EXOC6B: variants seen among roughly 807,000 people sequenced by gnomAD.
EXOC6B encodes the protein exocyst complex component 6B, also known as SEC15 homolog B.
EXOC6B carries 54 observed loss-of-function variants against 113.5 expected under a neutral mutation model. The observed-to-expected ratio is 0.48, with a 90% confidence interval of 0.38 to 0.60. The LOEUF is 0.60. Among genes scored for constraint, EXOC6B ranks in the 20% least tolerant of loss-of-function variants. The probability of loss-of-function intolerance (pLI) is 0.00; values close to 1 mark genes in which losing one functional copy is unlikely to be tolerated. For missense variants in EXOC6B, 797 were observed against 977.5 expected, an observed-to-expected ratio of 0.82 and a Z score of 2.46; for synonymous variants, 357 against 339.0, an observed-to-expected ratio of 1.05 and a Z score of -0.58.
At chr2:72,484,566 CAAAAAAAA>C (rs1163864913) in intron 16 of EXOC6B, among the ~76,000 whole-genome samples, 5 of 52,646 alleles carry the variant, frequency 9.5e-5, no homozygotes, top group Non-Finnish European at 1.6e-4. Context: ...GACTCCGTCA[CAAAAAAAA>C]AAAAAAAAAA....
intron 18 of EXOC6B, among the ~76,000 whole-genome samples, chr2:72,407,159 A>C (rs555850313): frequency 1.6e-3 from 240 of 152,314 alleles, no homozygotes; most frequent in African/African-American, 5.1e-3. Context: ...CCCAAGACTA[A>C]ACCAGGAAGA....
chr2:72,719,521 G>A (rs1292201767), intron 5 of EXOC6B, among the ~76,000 whole-genome samples: 2 of 152,198 alleles, frequency 1.3e-5, no homozygotes, highest in African/African-American at 4.8e-5. Context: ...TGACTAGGAG[G>A]CTGTAGACAG....
intron 20 of EXOC6B, among the ~76,000 whole-genome samples, chr2:72,221,012 C>T (rs555666853): frequency 4.6e-5 from 7 of 152,232 alleles, no homozygotes; most frequent in South Asian, 2.1e-4. Context: ...TATTTTGAAA[C>T]GCACAATAGA....
intron 16 of EXOC6B, 29 bp from the exon 17 acceptor site, chr2:72,480,779 C>A: frequency 1.3e-6 from 2 of 1,582,944 alleles, no homozygotes; most frequent in South Asian, 2.3e-5. Context: ...ATGTAAAAGT[C>A]ATTTAACTAC....
intron 1 of EXOC6B, among the ~76,000 whole-genome samples, chr2:72,752,888 T>G (rs992105035): frequency 6.6e-6 from 1 of 152,092 alleles, no homozygotes; most frequent in African/African-American, 2.4e-5. Flanking sequence ...TTCTTGGTTC[T>G]CCCCATTCTC....
intron 2 of EXOC6B, among the ~76,000 whole-genome samples, chr2:72,737,918 AATGTTTAGAACAGTTCTAT>A (rs1234356950): frequency 1.3e-5 from 2 of 152,166 alleles, no homozygotes; most frequent in East Asian, 1.9e-4. Flanking sequence ...AACATTTTAG[AATGTTTAGAACAGTTCTAT>A]ATGTTTAGAA....
At chr2:72,651,354 A>G (rs1267261533) in intron 6 of EXOC6B, among the ~76,000 whole-genome samples, 1 of 152,170 alleles carries the variant, frequency 6.6e-6, no homozygotes, top group Non-Finnish European at 1.5e-5. Flanking sequence ...TGAGGGAACA[A>G]CCAAATAAAA....
chr2:72,621,425 G>A (rs1031125153), intron 6 of EXOC6B, among the ~76,000 whole-genome samples: 5 of 152,062 alleles, frequency 3.3e-5, no homozygotes, highest in African/African-American at 1.2e-4. Context: ...AATACTGCAT[G>A]TTCTAACTCA....
chr2:72,727,170 A>G (rs1223986892), intron 5 of EXOC6B, among the ~76,000 whole-genome samples: 2 of 152,214 alleles, frequency 1.3e-5, no homozygotes, highest in Non-Finnish European at 2.9e-5. Flanking sequence ...CCTGAAATAT[A>G]GAAATTGATT....
chr2:72,555,050 C>T (rs904948566), intron 8 of EXOC6B, among the ~76,000 whole-genome samples: 8 of 152,160 alleles, frequency 5.3e-5, no homozygotes, highest in Non-Finnish European at 1.0e-4. Context: ...ATGACAGTTT[C>T]CAGCTTCATC....
intron 19 of EXOC6B, among the ~76,000 whole-genome samples, chr2:72,363,282 A>G (rs1477079546): frequency 6.6e-6 from 1 of 152,036 alleles, no homozygotes; most frequent in Non-Finnish European, 1.5e-5. Context: ...TGTCAGCAAG[A>G]ATTACCTAAC....
In EXOC6B at chr2:72,178,851, GT is replaced by G. The variant is rs1430354055; in HGVS notation, c.*483del. The G allele has an allele frequency of 2.6e-5, 4 of 154,364 alleles. No homozygotes were observed. Among genetic ancestry groups the G allele is most frequent in the African/African-American group, 9.6e-5 (4 of 41,470 alleles). The allele number at this position is 154,364 out of a possible 1,614,324, so 9.6% of individuals were successfully genotyped here. A position where few individuals can be genotyped will look rare whatever the true frequency, so the allele number is the denominator to read the frequency against. ...ATGACCCTCCAGAGCTGCCCTTAGTGTACTAAATAGTAATGTTTGCCATGCC... is the reference window on the plus strand; with the variant it reads ...ATGACCCTCCAGAGCTGCCCTTAGTGACTAAATAGTAATGTTTGCCATGCC... On this transcript the variant is annotated 3_prime_UTR_variant, in exon 22 of 22. Coordinates refer to ENST00000272427, the MANE Select transcript of EXOC6B (RefSeq NM_015189.3).
chr2:72,690,409 C>G (rs1018483557), intron 6 of EXOC6B, among the ~76,000 whole-genome samples: 1 of 152,076 alleles, frequency 6.6e-6, no homozygotes. Flanking sequence ...TCTCAATTTC[C>G]CTCAATATTT....
chr2:72,499,067 G>C (rs906518748), intron 12 of EXOC6B, among the ~76,000 whole-genome samples: 1 of 151,960 alleles, frequency 6.6e-6, no homozygotes, highest in South Asian at 2.1e-4. Flanking sequence ...TCAATTAATT[G>C]ATTTGATGTG....
At chr2:72,437,622 G>A (rs1695955781) in intron 18 of EXOC6B, among the ~76,000 whole-genome samples, 1 of 152,198 alleles carries the variant, frequency 6.6e-6, no homozygotes, top group African/African-American at 2.4e-5. Context: ...AAGAGAGGTA[G>A]TCTGGCTACA....
chr2:72,706,601 T>A (rs1678896646), intron 6 of EXOC6B, among the ~76,000 whole-genome samples: 1 of 152,134 alleles, frequency 6.6e-6, no homozygotes, highest in African/African-American at 2.4e-5. Flanking sequence ...CCTGCTTTAT[T>A]TCTTTTGGGT....
intron 20 of EXOC6B, among the ~76,000 whole-genome samples, chr2:72,199,793 G>T (rs1318020520): frequency 2.6e-5 from 4 of 152,136 alleles, no homozygotes; most frequent in African/African-American, 9.7e-5. Context: ...AGACCTTTTA[G>T]TTTGTTCCAT....
chr2:72,398,252 G>A (rs533352668), intron 18 of EXOC6B, among the ~76,000 whole-genome samples: 161 of 152,200 alleles, frequency 1.1e-3, no homozygotes, highest in African/African-American at 3.7e-3. Context: ...CTGGCCTTTG[G>A]ACCCAACTAA....
chr2:72,341,910 G>T (rs557963277), intron 19 of EXOC6B, among the ~76,000 whole-genome samples: 1 of 151,750 alleles, frequency 6.6e-6, no homozygotes, highest in East Asian at 1.9e-4. Context: ...TGAGCATAAT[G>T]GTATATAAAA....
Sources: gnomAD v4.1 joint callset for allele counts (sites outside exome capture counted in the v4.1 genomes callset) on GRCh38, gnomAD v4.1.1 for gene constraint, MANE v1.5 for transcripts, NCBI Gene and HGNC (gene_info 2026-07-23, HGNC 2026-07-21) for gene names.